The following DAB1 variants were observed in gnomAD, a reference collection of about 807,000 sequenced individuals.
The protein encoded by DAB1 is disabled homolog 1.
A neutral mutation model predicts 64.6 loss-of-function variants in DAB1; 15 were observed. The ratio of observed to expected loss-of-function variants is 0.23; its 90% CI spans 0.16 to 0.36. The LOEUF is 0.36. Ranked by LOEUF, DAB1 falls within the 10% of genes least tolerant of loss-of-function variation. The probability of loss-of-function intolerance (pLI) is 1.00; values close to 1 mark genes in which losing one functional copy is unlikely to be tolerated. For missense variants in DAB1, 596 were observed against 706.7 expected, an observed-to-expected ratio of 0.84 and a Z score of 1.78; for synonymous variants, 235 against 251.9, an observed-to-expected ratio of 0.93 and a Z score of 0.64.
intron 2 of DAB1, among the ~76,000 whole-genome samples, chr1:57,289,385 G>C (rs1006860154): frequency 6.6e-6 from 1 of 152,092 alleles, no homozygotes; most frequent in African/African-American, 2.4e-5. Context: ...GTACATACTG[G>C]GCTCTGCGAC....
chr1:57,199,895 C>T (rs1557923290), intron 2 of DAB1, among the ~76,000 whole-genome samples: 1 of 152,186 alleles, frequency 6.6e-6, no homozygotes, highest in Non-Finnish European at 1.5e-5. Flanking sequence ...ACCAAGCAGT[C>T]CTAAGAAGTT....
chr1:57,203,039 T>C (rs904056178), intron 2 of DAB1, among the ~76,000 whole-genome samples: 1 of 152,198 alleles, frequency 6.6e-6, no homozygotes, highest in Non-Finnish European at 1.5e-5. Context: ...CATTGGATTC[T>C]GAGTTAGGCA....
At chr1:58,175,342 C>T (rs1252543293) in intron 4 of DAB1, among the ~76,000 whole-genome samples, 1 of 152,176 alleles carries the variant, frequency 6.6e-6, no homozygotes, top group Non-Finnish European at 1.5e-5. Flanking sequence ...AAACTCTGGA[C>T]ACATCTGAAC....
At chr1:58,457,452 C>T (rs1011781201) in intron 3 of DAB1, among the ~76,000 whole-genome samples, 4 of 152,220 alleles carry the variant, frequency 2.6e-5, no homozygotes, top group African/African-American at 9.6e-5. Context: ...CCTTATTAAG[C>T]GGCCTGTGCC....
intron 5 of DAB1, among the ~76,000 whole-genome samples, chr1:58,062,864 CA>C (rs1648590638): frequency 6.6e-6 from 1 of 152,202 alleles, no homozygotes; most frequent in Admixed American, 6.5e-5. Flanking sequence ...GTCAAGAAAG[CA>C]CACAATGAGA....
intron 2 of DAB1, among the ~76,000 whole-genome samples, chr1:57,150,532 C>G (rs1302189163): frequency 1.3e-5 from 2 of 152,138 alleles, no homozygotes; most frequent in African/African-American, 4.8e-5. Flanking sequence ...CCAGAGGAAG[C>G]CACATTTCAA....
chr1:58,078,960 C>T (rs1649816340), intron 5 of DAB1, among the ~76,000 whole-genome samples: 1 of 152,132 alleles, frequency 6.6e-6, no homozygotes, highest in African/African-American at 2.4e-5. Context: ...TGTTACTGGC[C>T]AAGGCCATCT....
At chr1:57,013,069 T>C (rs964417303) in intron 12 of DAB1, among the ~76,000 whole-genome samples, 7 of 152,232 alleles carry the variant, frequency 4.6e-5, no homozygotes, top group Admixed American at 2.6e-4. Context: ...GTTTCTCTCA[T>C]AGAGTGATTA....
chr1:58,050,631 G>A (rs1032763331), intron 5 of DAB1, among the ~76,000 whole-genome samples: 6 of 152,106 alleles, frequency 3.9e-5, no homozygotes, highest in African/African-American at 9.7e-5. Context: ...CTGGGTTCAC[G>A]CCATTCTCCT....
At chr1:57,444,561 G>GCAAATCTAA in intron 7 of DAB1, among the ~76,000 whole-genome samples, 1 of 152,284 alleles carries the variant, frequency 6.6e-6, no homozygotes, top group Middle Eastern at 3.4e-3. Flanking sequence ...ATCTAATTAA[G>GCAAATCTAA]TTAGGATCAT....
intron 2 of DAB1, among the ~76,000 whole-genome samples, chr1:57,241,954 G>T (rs973075905): frequency 2.6e-5 from 4 of 152,152 alleles, no homozygotes; most frequent in African/African-American, 9.7e-5. Flanking sequence ...AGTGACTTCA[G>T]TCACAGTCAA....
chr1:57,136,092 A>C (rs959493685), intron 4 of DAB1, among the ~76,000 whole-genome samples: 2 of 152,140 alleles, frequency 1.3e-5, no homozygotes, highest in African/African-American at 4.8e-5. Flanking sequence ...TTCTTTTTTA[A>C]GATTGAGAAC....
At chr1:57,641,096 A>G (rs1230090642) in intron 7 of DAB1, among the ~76,000 whole-genome samples, 1 of 152,146 alleles carries the variant, frequency 6.6e-6, no homozygotes, top group Admixed American at 6.5e-5. Flanking sequence ...TAATTTCCTC[A>G]TCCTTAAAAC....
At chr1:57,346,724 A>G (rs1678136771) in intron 1 of DAB1, among the ~76,000 whole-genome samples, 4 of 152,212 alleles carry the variant, frequency 2.6e-5, no homozygotes, top group Non-Finnish European at 2.9e-5. Flanking sequence ...AAATGAGTTC[A>G]TTCACTAAAA....
intron 5 of DAB1, among the ~76,000 whole-genome samples, chr1:58,043,096 G>A (rs1647163276): frequency 6.6e-6 from 1 of 152,160 alleles, no homozygotes; most frequent in African/African-American, 2.4e-5. Context: ...ATTCCAGAAG[G>A]AATGAATCAC....
intron 5 of DAB1, among the ~76,000 whole-genome samples, chr1:58,061,918 A>G (rs902617750): frequency 2.0e-5 from 3 of 152,192 alleles, no homozygotes; most frequent in South Asian, 4.1e-4. Flanking sequence ...TTAATCTGCT[A>G]TCCGCAAATT....
chr1:58,154,239 C>T lies in DAB1; in HGVS notation n.310-3651G>A, dbSNP rs1235558960. Among the ~76,000 whole-genome samples the T allele has an allele frequency of 2.0e-5, 3 of 152,188 alleles. No homozygotes were observed. In the East Asian group the frequency reaches 5.8e-4, roughly 29 times the overall value. Reference sequence around the variant, plus strand: ...CTCCTTTGTACCCAAAAACCCCTATCTGGAGGAGCTTAATATCTATTGAGC... The same window carrying T: ...CTCCTTTGTACCCAAAAACCCCTATTTGGAGGAGCTTAATATCTATTGAGC... On this transcript the variant is annotated intron_variant and non_coding_transcript_variant, in intron 4 of 20. Coordinates refer to the DAB1 transcript ENST00000485760.
intron 5 of DAB1, among the ~76,000 whole-genome samples, chr1:58,041,441 T>C (rs528306974): frequency 9.7e-4 from 148 of 152,274 alleles, no homozygotes; most frequent in Middle Eastern, 6.8e-3. Flanking sequence ...ACAGCGTGTA[T>C]TGTGTTTCAG....
At chr1:57,441,272 C>CTCTCTCTTTCTT (rs1685938151) in intron 7 of DAB1, among the ~76,000 whole-genome samples, 1 of 72,582 alleles carries the variant, frequency 1.4e-5, no homozygotes, top group Non-Finnish European at 3.6e-5. Flanking sequence ...TTCTTTCTTT[C>CTCTCTCTTTCTT]TCTTTCTTTC....
Sources: allele counts gnomAD v4.1 joint callset (sites outside exome capture counted in the v4.1 genomes callset), GRCh38; gene constraint gnomAD v4.1.1; transcripts MANE v1.5; gene names NCBI Gene and HGNC (gene_info 2026-07-23, HGNC 2026-07-21).